SCN9A: variants seen among roughly 807,000 people sequenced by gnomAD.
SCN9A encodes sodium channel protein type 9 subunit alpha.
A neutral mutation model predicts 187.0 loss-of-function variants in SCN9A; 131 were observed. The ratio of observed to expected loss-of-function variants is 0.70; its 90% confidence interval spans 0.61 to 0.81. The LOEUF (loss-of-function observed/expected upper bound fraction) is 0.81, where lower values mean the gene tolerates loss of function less well. SCN9A is among the 30% of genes least tolerant of loss of function. SCN9A has a pLI of 0.00. For missense variants in SCN9A, 2,252 were observed against 2,396.6 expected, an observed-to-expected ratio of 0.94 and a Z score of 1.26; for synonymous variants, 809 against 808.6, an observed-to-expected ratio of 1.00 and a Z score of -0.01.
intron 1 of SCN9A, among the ~76,000 whole-genome samples, chr2:166,358,034 T>A (rs900301311): frequency 7.1e-5 from 10 of 140,926 alleles, no homozygotes; most frequent in Non-Finnish European, 1.4e-4. Context: ...GGAATAAAAC[T>A]TTTATTTATT....
chr2:166,294,946 T>C (rs553867184), intron 7 of SCN9A, among the ~76,000 whole-genome samples: 3 of 152,266 alleles, frequency 2.0e-5, no homozygotes, highest in Admixed American at 2.0e-4. Flanking sequence ...TGTGGTTGGA[T>C]AAAAATTTAA....
rs939470127 is a variant in SCN9A, at chr2:166,325,712, T to C, written c.-50-13906A>G. Among the ~76,000 whole-genome samples, 4 of 152,156 alleles carry C rather than the reference T, an allele frequency of 2.6e-5. No individual in the cohort carries two copies. In the East Asian group the frequency reaches 7.7e-4, roughly 29 times the overall value. On this transcript the variant is annotated intron_variant, in intron 1 of 26. Coordinates refer to ENST00000642356, the MANE Select transcript of SCN9A (RefSeq NM_001365536.1). ...AGGTACAAAAGGCTGACTTTTGATT[T>C]CTGTGTTACTTTAGGAACTGTGAGG...
chr2:166,262,840 C>T (rs75604540), intron 17 of SCN9A, among the ~76,000 whole-genome samples: 3 of 151,770 alleles, frequency 2.0e-5, no homozygotes, highest in Admixed American at 6.6e-5. Context: ...TGTGTGTGTG[C>T]GTGCTTTCTT....
At chr2:166,308,850 C>A (rs1421344009) in intron 2 of SCN9A, among the ~76,000 whole-genome samples, 1 of 140,960 alleles carries the variant, frequency 7.1e-6, no homozygotes, top group Non-Finnish European at 1.5e-5. Context: ...GGCGTGAACC[C>A]GGGAGGCGGA....
intron 1 of SCN9A, among the ~76,000 whole-genome samples, chr2:166,344,626 T>C (rs930344591): frequency 6.6e-6 from 1 of 152,164 alleles, no homozygotes; most frequent in Non-Finnish European, 1.5e-5. Context: ...CACAATGAAA[T>C]TTCCTGCTGC....
chr2:166,219,781 C>T (rs1052917803), intron 24 of SCN9A, among the ~76,000 whole-genome samples: 1 of 152,000 alleles, frequency 6.6e-6, no homozygotes, highest in Admixed American at 6.6e-5. Flanking sequence ...ATGTATATTT[C>T]AAAATTGCTA....
chr2:166,288,238 A>G (rs7596100), intron 10 of SCN9A, among the ~76,000 whole-genome samples, 199 bp downstream of exon 10: 113,614 of 151,052 alleles, frequency 0.75, 43,757 homozygotes, highest in African/African-American at 0.93. Flanking sequence ...ATGCAGTGAG[A>G]TGATTATGGG....
chr2:166,214,805 C>T (rs1694261318), intron 24 of SCN9A, among the ~76,000 whole-genome samples: 2 of 151,852 alleles, frequency 1.3e-5, no homozygotes, highest in African/African-American at 4.8e-5. Flanking sequence ...TGAGCCACCG[C>T]GCCCGGCCAC....
At chr2:166,207,967 A>G (rs1198949930) in intron 24 of SCN9A, among the ~76,000 whole-genome samples, 1 of 152,210 alleles carries the variant, frequency 6.6e-6, no homozygotes, top group Non-Finnish European at 1.5e-5. Context: ...CCAACTTTGA[A>G]GAGAAAATCA....
rs761022368 is a variant in SCN9A, at chr2:166,199,744, G to A, written c.4895C>T (p.Thr1632Met). The change falls in exon 27 of 27, where the codon ACG (threonine) becomes ATG (methionine). Residue 1632 changes from threonine (T) to methionine (M), a missense_variant. By Grantham distance (81) the Thr-to-Met change is moderately conservative (BLOSUM62 -1). Transcript: ENST00000642356. ...RLVKGAKGIRTLLFALMMSLP... is the reference protein window; with the variant it reads ...RLVKGAKGIRMLLFALMMSLP... ...GGACATCATCAAAGCAAAGAGCAGC[G>A]TGCGGATCCCCTTTGCTCCTTTGAC... 3.1e-6 allele frequency: 5 copies of A among 1,614,046 alleles called. No individual in the cohort carries two copies. Among genetic ancestry groups the A allele is most frequent in the East Asian group, 2.2e-5 (1 of 44,852 alleles).
chr2:166,245,308 T>G (rs1213390711), intron 18 of SCN9A, among the ~76,000 whole-genome samples: 5 of 152,040 alleles, frequency 3.3e-5, no homozygotes, highest in Non-Finnish European at 1.5e-5. Flanking sequence ...ATCAGTAAAA[T>G]TTATAGTAAA....
intron 1 of SCN9A, among the ~76,000 whole-genome samples, chr2:166,372,501 C>A (rs1700589644): frequency 6.6e-6 from 1 of 152,142 alleles, no homozygotes; most frequent in Non-Finnish European, 1.5e-5. Flanking sequence ...TTTGGAGTCA[C>A]TTATAACCAT....
At chr2:166,350,207 A>G (rs1004162976) in intron 1 of SCN9A, among the ~76,000 whole-genome samples, 1 of 152,218 alleles carries the variant, frequency 6.6e-6, no homozygotes, top group Non-Finnish European at 1.5e-5. Context: ...TTATTCCTGC[A>G]TGGATAATTT....
intron 17 of SCN9A, among the ~76,000 whole-genome samples, chr2:166,255,734 A>C (rs1353601568): frequency 6.6e-6 from 1 of 151,498 alleles, no homozygotes; most frequent in Non-Finnish European, 1.5e-5. Flanking sequence ...TAGAATGGTT[A>C]TTTCACCTGA....
At chr2:166,287,913 T>C (rs528375860) in intron 10 of SCN9A, among the ~76,000 whole-genome samples, 2 of 149,582 alleles carry the variant, frequency 1.3e-5, no homozygotes, top group East Asian at 1.9e-4. Flanking sequence ...CTGTATACAA[T>C]TGGTACTCTG....
At chr2:166,351,452 A>C (rs1700031207) in intron 1 of SCN9A, among the ~76,000 whole-genome samples, 1 of 152,208 alleles carries the variant, frequency 6.6e-6, no homozygotes, top group Non-Finnish European at 1.5e-5. Context: ...CAATATCTTC[A>C]TGGCTCTCTT....
chr2:166,375,710 C>CGCCGAT lies in SCN9A; in HGVS notation c.-70_-65dup. 1 of 152,374 alleles carries CGCCGAT rather than the reference C, an allele frequency of 6.6e-6. No homozygotes were observed. The highest frequency in any genetic ancestry group is 2.1e-4 in the South Asian group (1 of 4,842). The allele number at this position is 152,374 out of a possible 1,614,324, so 9.4% of individuals were successfully genotyped here. On this transcript the variant is annotated 5_prime_UTR_variant, in exon 1 of 27. Coordinates refer to ENST00000642356, the MANE Select transcript of SCN9A (RefSeq NM_001365536.1). Reference sequence around the variant, plus strand: ...AAAGGCACTTACTTGCAACCTAGCCCGCCGATCATCCCCACCCAGTGCACC... The same window carrying CGCCGAT: ...AAAGGCACTTACTTGCAACCTAGCCCGCCGATGCCGATCATCCCCACCCAGTGCACC...
chr2:166,330,241 G>A (rs894530935), intron 1 of SCN9A, among the ~76,000 whole-genome samples: 1 of 152,020 alleles, frequency 6.6e-6, no homozygotes, highest in Admixed American at 6.6e-5. Context: ...CATTGGCCAT[G>A]CAAAGCCTCC....
intron 1 of SCN9A, among the ~76,000 whole-genome samples, chr2:166,330,668 G>A (rs567394422): frequency 6.6e-5 from 10 of 152,250 alleles, no homozygotes; most frequent in East Asian, 1.9e-4. Flanking sequence ...GTTTTGGGAC[G>A]AAACTATTCC....
Sources: gnomAD v4.1 joint callset for allele counts (sites outside exome capture counted in the v4.1 genomes callset) on GRCh38, gnomAD v4.1.1 for gene constraint, MANE v1.5 for transcripts, NCBI Gene and HGNC (gene_info 2026-07-23, HGNC 2026-07-21) for gene names.